KIF26B: variants seen among roughly 807,000 people sequenced by gnomAD.
The protein encoded by KIF26B is kinesin family member 26B, also known as kinesin-like protein KIF26B.
Under a neutral mutation model 151.2 loss-of-function variants are expected in KIF26B, and 63 were observed. The ratio of observed to expected loss-of-function variants is 0.42; its 90% CI spans 0.34 to 0.51. The LOEUF (loss-of-function observed/expected upper bound fraction) is 0.51. Ranked by LOEUF, KIF26B falls within the 20% of genes least tolerant of loss-of-function variation. KIF26B has a pLI of 0.07. For synonymous variants in KIF26B, 1,357 were observed against 1,262.1 expected, an observed-to-expected ratio of 1.08 and a Z score of -1.59; for missense variants, 2,813 against 2,913.6, an observed-to-expected ratio of 0.97 and a Z score of 0.79.
chr1:245,303,490 G>A (rs910244697), intron 2 of KIF26B, among the ~76,000 whole-genome samples: 8 of 152,092 alleles, frequency 5.3e-5, no homozygotes, highest in Admixed American at 2.0e-4. Flanking sequence ...AAGCCACCGC[G>A]CCCGGCCCTA....
intron 4 of KIF26B, among the ~76,000 whole-genome samples, chr1:245,475,328 C>T (rs1427926609): frequency 2.0e-5 from 3 of 151,806 alleles, no homozygotes; most frequent in African/African-American, 7.2e-5. Flanking sequence ...TTTCAGGCCT[C>T]AGCTCTACTG....
intron 2 of KIF26B, among the ~76,000 whole-genome samples, chr1:245,162,539 C>T (rs1409966263): frequency 1.3e-5 from 2 of 152,032 alleles, no homozygotes; most frequent in African/African-American, 4.8e-5. Context: ...GCGCCCGCCA[C>T]CACGCCCAGC....
chr1:245,364,919 C>T (rs1373024462), intron 2 of KIF26B, among the ~76,000 whole-genome samples: 4 of 152,136 alleles, frequency 2.6e-5, no homozygotes, highest in Admixed American at 2.6e-4. Flanking sequence ...AAATAAATCC[C>T]GTTTGAATGA....
chr1:245,504,340 T>TTCCCTCCC (rs10522978), intron 4 of KIF26B, among the ~76,000 whole-genome samples: 2 of 146,960 alleles, frequency 1.4e-5, no homozygotes, highest in African/African-American at 5.0e-5. Context: ...CCTTCCCTCC[T>TTCCCTCCC]TCCCTCCCTC....
At chr1:245,374,864 T>C (rs1673235891) in intron 3 of KIF26B, among the ~76,000 whole-genome samples, 1 of 152,146 alleles carries the variant, frequency 6.6e-6, no homozygotes, top group Non-Finnish European at 1.5e-5. Context: ...CTTATGAATA[T>C]GGATGGGGCC....
chr1:245,300,825 G>A (rs199847381), intron 2 of KIF26B, among the ~76,000 whole-genome samples: 11 of 149,464 alleles, frequency 7.4e-5, no homozygotes, highest in East Asian at 4.0e-4. Context: ...CACCAAGCCC[G>A]GCCGAATTTT....
chr1:245,418,183 C>T (rs1488345886), intron 3 of KIF26B, among the ~76,000 whole-genome samples: 3 of 152,140 alleles, frequency 2.0e-5, no homozygotes, highest in African/African-American at 4.8e-5. Flanking sequence ...AGCCAGTGGA[C>T]GGGAGCCCGC....
Position 245,540,935 on chromosome 1 carries a change from C to G in KIF26B, c.1335C>G (p.Thr445=). Residue 445 remains threonine, a synonymous_variant, in exon 5 of 15, where the codon ACC becomes ACG. Coordinates refer to ENST00000407071, the MANE Select transcript of KIF26B (RefSeq NM_018012.4). This position sits in a 1 kb window ranked among gnomAD's most constrained non-coding sequence, Gnocchi z 4.6. ...LLRAVNKVKD[T]PGLGKVKVML... ...GGGCTGTCAACAAGGTGAAGGACAC[C>G]CCGGGGCTGGGCAAGGTAGGACCAT... is the stretch of plus-strand genomic sequence containing the variant. 6.2e-7 allele frequency: 1 copy of G among 1,613,216 alleles called. No individual in the cohort carries two copies.
At chr1:245,197,665 T>C (rs2103536127) in intron 2 of KIF26B, among the ~76,000 whole-genome samples, 1 of 152,304 alleles carries the variant, frequency 6.6e-6, no homozygotes, top group Non-Finnish European at 1.5e-5. Context: ...GAGTAATACA[T>C]GCTGATTATA....
At chr1:245,619,395 C>T (rs12742007) in intron 9 of KIF26B, among the ~76,000 whole-genome samples, 3 of 152,228 alleles carry the variant, frequency 2.0e-5, no homozygotes, top group African/African-American at 7.2e-5. Context: ...ATCCACCCAC[C>T]TCGGCCAGCC....
intron 4 of KIF26B, among the ~76,000 whole-genome samples, chr1:245,441,655 G>A (rs1010447749): frequency 4.3e-4 from 65 of 152,196 alleles, no homozygotes; most frequent in African/African-American, 1.5e-3. Flanking sequence ...ATTTTTATGT[G>A]GAGATTGATA....
At chr1:245,647,523 G>C (rs1195832435) in intron 10 of KIF26B, among the ~76,000 whole-genome samples, 7 of 151,552 alleles carry the variant, frequency 4.6e-5, no homozygotes, top group Non-Finnish European at 1.0e-4. Context: ...CACCTATCTA[G>C]TCAAGCCTAT....
intron 5 of KIF26B, among the ~76,000 whole-genome samples, chr1:245,587,762 TG>T (rs2043243161): frequency 6.6e-6 from 1 of 152,092 alleles, no homozygotes; most frequent in African/African-American, 2.4e-5. Flanking sequence ...TGCCTGGTAG[TG>T]GGGACTGTTC....
rs2044855656 is a variant in KIF26B, at chr1:245,707,347, A to G, written c.*4741A>G. ...ACTGAAATACCACACTCACACATCTATTCCATGCGTACCTAGAAATTACCT... is the reference window on the plus strand; with the variant it reads ...ACTGAAATACCACACTCACACATCTGTTCCATGCGTACCTAGAAATTACCT... On this transcript the variant is annotated 3_prime_UTR_variant, in exon 15 of 15. Transcript: ENST00000407071. The G allele has an allele frequency of 6.6e-6, 1 of 152,154 alleles. No homozygotes were observed. The highest frequency in any genetic ancestry group is 2.4e-5 in the African/African-American group (1 of 41,434). The allele number at this position is 152,154 out of a possible 1,614,324, so 9.4% of individuals were successfully genotyped here. A position where few individuals can be genotyped will look rare whatever the true frequency, so the allele number is the denominator to read the frequency against.
chr1:245,348,555 G>A (rs1015339847), intron 2 of KIF26B, among the ~76,000 whole-genome samples: 4 of 152,144 alleles, frequency 2.6e-5, no homozygotes, highest in African/African-American at 7.2e-5. Flanking sequence ...TGGAGGGGGC[G>A]AGGAAGCTCT....
chr1:245,642,693 A>C (rs1246459315), intron 9 of KIF26B, among the ~76,000 whole-genome samples: 1 of 151,970 alleles, frequency 6.6e-6, no homozygotes, highest in Non-Finnish European at 1.5e-5. Flanking sequence ...GAGGAGCTGG[A>C]GCAGAATCTG....
At position 245,619,100 on chromosome 1, in the gene KIF26B, C is replaced by T. The variant is rs572144505; in HGVS notation, c.2098+7124C>T. Among the ~76,000 whole-genome samples the T allele has an allele frequency of 2.9e-3, 409 of 139,594 alleles. 2 individuals are homozygous for T. Among genetic ancestry groups the T allele is most frequent in the African/African-American group, 0.011 (386 of 35,330 alleles). 91.6% of individuals were successfully genotyped at this position (139,594 alleles called of 152,430 possible). A position where few individuals can be genotyped will look rare whatever the true frequency, so the allele number is the denominator to read the frequency against. The stretch of plus-strand genomic sequence containing the variant: ...ACTATAGGTTCCTTGAGACAGAGTG[C>T]CACAGTGCTGGGGCTGTGTCTGCTG... On this transcript the variant is annotated intron_variant, in intron 9 of 14. Transcript: ENST00000407071.
At chr1:245,505,577 G>A (rs1219598149) in intron 4 of KIF26B, among the ~76,000 whole-genome samples, 1 of 151,940 alleles carries the variant, frequency 6.6e-6, no homozygotes, top group Admixed American at 6.6e-5. Flanking sequence ...TAGAGACGGG[G>A]TTTCACCGTG....
chr1:245,687,924 C>T lies in KIF26B; in HGVS notation c.4941C>T (p.Asp1647=), dbSNP rs1194655340. 13 of 1,594,066 alleles carry T rather than the reference C, an allele frequency of 8.2e-6. No individual in the cohort carries two copies. Among genetic ancestry groups the T allele is most frequent in the East Asian group, 2.3e-5 (1 of 43,678 alleles). ...LPDEPSGKTK[D]ASSSSKLFSA... is the part of the protein sequence containing the mutation. ...ACGAGCCTAGCGGCAAGACGAAGGA[C>T]GCCAGCAGCAGCAGCAAGCTCTTCA... The change falls in exon 12 of 15, where the codon GAC becomes GAT. Residue 1647 remains aspartate, a synonymous_variant. Coordinates refer to ENST00000407071, the MANE Select transcript of KIF26B (RefSeq NM_018012.4). The surrounding 1 kb of genome is among the most constrained non-coding windows in gnomAD (Gnocchi z 4.9).
Sources: gnomAD v4.1 joint callset for allele counts (sites outside exome capture counted in the v4.1 genomes callset) on GRCh38, gnomAD v4.1.1 for gene constraint, Gnocchi (gnomAD v3.1) non-coding constraint, MANE v1.5 for transcripts, NCBI Gene and HGNC (gene_info 2026-07-23, HGNC 2026-07-21) for gene names.